Variants in OSBPL10 observed in about 807,000 individuals in gnomAD.
OSBPL10 encodes oxysterol binding protein like 10.
OSBPL10 carries 49 observed loss-of-function variants against 81.7 expected under a neutral mutation model. That is an observed-to-expected ratio of 0.60 (90% CI 0.48 to 0.76). The LOEUF (loss-of-function observed/expected upper bound fraction) is 0.76, where lower values mean the gene tolerates loss of function less well. OSBPL10 is among the 30% of genes least tolerant of loss of function. The probability of loss-of-function intolerance (pLI) is 0.00; values close to 1 mark genes in which losing one functional copy is unlikely to be tolerated. For synonymous variants in OSBPL10, 419 were observed against 383.6 expected, an observed-to-expected ratio of 1.09 and a Z score of -1.08; for missense variants, 923 against 987.8, an observed-to-expected ratio of 0.93 and a Z score of 0.88.
intron 4 of OSBPL10, among the ~76,000 whole-genome samples, chr3:31,783,130 T>C (rs1698745521): frequency 7.4e-6 from 1 of 135,720 alleles, no homozygotes; most frequent in Non-Finnish European, 1.5e-5. Context: ...TATATATATA[T>C]ATATATATAT....
chr3:32,019,893 A>G lies in OSBPL10; in HGVS notation n.298+26598T>C, dbSNP rs1205450597. Among the ~76,000 whole-genome samples, 3 of 152,182 alleles carry G rather than the reference A, an allele frequency of 2.0e-5. No individual in the cohort carries two copies. The East Asian group carries it at 5.8e-4, about 29-fold the overall frequency. ...ACACTGGAACATATAAAGTATAACT[A>G]TCAATCTTTGACTATTGTGGTGAGG... On this transcript the variant is annotated intron_variant and non_coding_transcript_variant, in intron 2 of 3. Coordinates refer to the OSBPL10 transcript ENST00000479173.
chr3:31,861,191 T>C (rs1476239539), intron 3 of OSBPL10, among the ~76,000 whole-genome samples: 1 of 152,078 alleles, frequency 6.6e-6, no homozygotes, highest in Non-Finnish European at 1.5e-5. Context: ...AGTTTGGGGG[T>C]CATTAGGAAA....
At chr3:31,885,609 A>G (rs554690638) in intron 1 of OSBPL10, among the ~76,000 whole-genome samples, 1 of 152,260 alleles carries the variant, frequency 6.6e-6, no homozygotes, top group South Asian at 2.1e-4. Flanking sequence ...ACAAAAGCAT[A>G]CATGTTTCCT....
chr3:31,941,937 G>A (rs576401832), intron 1 of OSBPL10, among the ~76,000 whole-genome samples: 5 of 152,310 alleles, frequency 3.3e-5, no homozygotes, highest in African/African-American at 1.2e-4. Context: ...CTGGCTGCTG[G>A]TTACCAGCAG....
chr3:31,907,218 G>A (rs540139681), intron 1 of OSBPL10, among the ~76,000 whole-genome samples: 96 of 152,172 alleles, frequency 6.3e-4, no homozygotes, highest in Non-Finnish European at 1.1e-3. Context: ...ACTCTAGGTC[G>A]GACCAACACA....
intron 4 of OSBPL10, 144 bp from the exon 5 acceptor site, chr3:31,748,264 A>AC: frequency 1.3e-6 from 1 of 742,198 alleles, no homozygotes; most frequent in South Asian, 1.7e-5. Flanking sequence ...TTTGATAAAT[A>AC]CTCAATCCTG....
chr3:32,027,438 CA>C (rs1699427305), intron 2 of OSBPL10, among the ~76,000 whole-genome samples: 1 of 152,070 alleles, frequency 6.6e-6, no homozygotes, highest in African/African-American at 2.4e-5. Context: ...GGTGATGATT[CA>C]AGGGGACATT....
chr3:31,747,824 G>T, intron 5 of OSBPL10, 86 bp downstream of exon 5: 1 of 1,343,810 alleles, frequency 7.4e-7, no homozygotes, highest in Non-Finnish European at 1.1e-6. Context: ...GTAGAGAAAT[G>T]GATGGAATTA....
chr3:31,950,312 G>T (rs1697831111), intron 1 of OSBPL10, among the ~76,000 whole-genome samples: 1 of 152,090 alleles, frequency 6.6e-6, no homozygotes, highest in African/African-American at 2.4e-5. Context: ...ACCCAAGCTG[G>T]AATTTCATAA....
intron 1 of OSBPL10, among the ~76,000 whole-genome samples, chr3:32,073,524 T>A (rs1432479911): frequency 6.6e-6 from 1 of 152,096 alleles, no homozygotes; most frequent in Non-Finnish European, 1.5e-5. Context: ...GCAAGTACTC[T>A]CCCCTACTTC....
chr3:32,011,997 C>T (rs1487194662), intron 2 of OSBPL10, among the ~76,000 whole-genome samples: 2 of 152,252 alleles, frequency 1.3e-5, no homozygotes, highest in Non-Finnish European at 2.9e-5. Context: ...GGGGAGAATG[C>T]AACAAAGTTG....
intron 1 of OSBPL10, among the ~76,000 whole-genome samples, chr3:31,961,869 A>G (rs1406361701): frequency 1.3e-5 from 2 of 151,536 alleles, no homozygotes; most frequent in Non-Finnish European, 2.9e-5. Context: ...TTACATTTAA[A>G]TAAGTTCTCT....
intron 4 of OSBPL10, among the ~76,000 whole-genome samples, chr3:31,761,583 G>A (rs771491473): frequency 7.3e-5 from 11 of 151,466 alleles, no homozygotes; most frequent in Non-Finnish European, 1.0e-4. Flanking sequence ...TTGGGAGGCC[G>A]AAGTGGGCGG....
rs1701202017 is a variant in OSBPL10, at chr3:31,867,252, G to C, written c.537+9181C>G. Among the ~76,000 whole-genome samples, 3 of 152,116 alleles carry C rather than the reference G, an allele frequency of 2.0e-5. No individual in the cohort carries two copies. In the South Asian group the frequency reaches 6.2e-4, roughly 32 times the overall value. ...GGAGAGAGTCAGGCCTGGGGTCCTAGAAGCCCAGAGAAAAGATTTCTAATG... is the reference window on the plus strand; with the variant it reads ...GGAGAGAGTCAGGCCTGGGGTCCTACAAGCCCAGAGAAAAGATTTCTAATG... On this transcript the variant is annotated intron_variant, in intron 3 of 11. Transcript: ENST00000396556.
At chr3:31,910,305 C>G (rs929178480) in intron 1 of OSBPL10, among the ~76,000 whole-genome samples, 1 of 151,922 alleles carries the variant, frequency 6.6e-6, no homozygotes, top group Admixed American at 6.6e-5. Flanking sequence ...ACAGGAGGGA[C>G]ATGGGGTTCA....
chr3:31,774,036 C>T (rs1035091887), intron 4 of OSBPL10, among the ~76,000 whole-genome samples: 9 of 151,980 alleles, frequency 5.9e-5, no homozygotes, highest in Non-Finnish European at 8.8e-5. Context: ...GTGGCACGCG[C>T]CTGTAATCCC....
chr3:31,956,739 A>G lies in OSBPL10; in HGVS notation c.281+24160T>C, dbSNP rs192243695. The stretch of plus-strand genomic sequence containing the variant: ...GCGAAACTCCGTCTCAAAAAAAAAA[A>G]GGGGGCCTTTCATGGACCCTGGCCT... On this transcript the variant is annotated intron_variant, in intron 1 of 11. Coordinates refer to ENST00000396556, the MANE Select transcript of OSBPL10 (RefSeq NM_017784.5). Among the ~76,000 whole-genome samples the G allele has an allele frequency of 0.015, 2,347 of 151,746 alleles. 166 individuals are homozygous for G. In the East Asian group the frequency reaches 0.22, roughly 14 times the overall value.
chr3:32,020,525 T>G (rs1407634747), intron 2 of OSBPL10, among the ~76,000 whole-genome samples: 2 of 152,238 alleles, frequency 1.3e-5, no homozygotes, highest in Non-Finnish European at 2.9e-5. Flanking sequence ...CATACTACAT[T>G]TGTTTATCAA....
At chr3:31,727,382 A>G (rs1696841364) in intron 6 of OSBPL10, among the ~76,000 whole-genome samples, 1 of 148,784 alleles carries the variant, frequency 6.7e-6, no homozygotes, top group African/African-American at 2.6e-5. Context: ...ATCAAAGGTC[A>G]TGATTCAAAG....
Sources: gnomAD v4.1 joint callset for allele counts (sites outside exome capture counted in the v4.1 genomes callset) on GRCh38, gnomAD v4.1.1 for gene constraint, MANE v1.5 for transcripts, NCBI Gene and HGNC (gene_info 2026-07-23, HGNC 2026-07-21) for gene names.